The following C12orf56 variants were observed in gnomAD, a reference collection of about 807,000 sequenced individuals.
C12orf56 encodes the protein chromosome 12 open reading frame 56, also known as uncharacterized protein C12orf56.
C12orf56 carries 71 observed loss-of-function variants against 69.9 expected under a neutral mutation model. The observed-to-expected ratio is 1.02, with a 90% CI of 0.84 to 1.24. C12orf56 has a LOEUF of 1.24. Ranked by LOEUF, C12orf56 falls within the 50% of genes most tolerant of loss-of-function variation. The pLI, the probability that C12orf56 is intolerant of heterozygous loss-of-function variation, is 0.00. For missense variants in C12orf56, 732 were observed against 738.5 expected (o/e 0.99, Z 0.10); for synonymous variants, 276 against 274.1 (o/e 1.01, Z -0.07).
chr12:64,360,311 G>C (rs2039382720), intron 1 of C12orf56, among the ~76,000 whole-genome samples: 1 of 151,908 alleles, frequency 6.6e-6, no homozygotes, highest in African/African-American at 2.4e-5. Context: ...TGTAATCCCA[G>C]CTACTCGGGA....
intron 1 of C12orf56, among the ~76,000 whole-genome samples, chr12:64,382,870 C>A (rs370340559): frequency 4.9e-3 from 653 of 131,930 alleles, no homozygotes; most frequent in Admixed American, 6.4e-3. Flanking sequence ...GACTCCGTTT[C>A]AAAAAAAAAA....
At chr12:64,285,842 C>T (rs2038193230) in intron 7 of C12orf56, 112 bp downstream of exon 7, 2 of 481,844 alleles carry the variant, frequency 4.2e-6, no homozygotes, top group Non-Finnish European at 7.1e-6. Context: ...GGAAGAAAAA[C>T]TTGCAGTGCC....
At chr12:64,314,363 G>C (rs1483159247) in intron 4 of C12orf56, among the ~76,000 whole-genome samples, 1 of 152,026 alleles carries the variant, frequency 6.6e-6, no homozygotes, top group Non-Finnish European at 1.5e-5. Flanking sequence ...AAAGTGCTAG[G>C]ATTACAGGCA....
chr12:64,300,441 A>C (rs1487626282), intron 6 of C12orf56, among the ~76,000 whole-genome samples: 1 of 152,148 alleles, frequency 6.6e-6, no homozygotes, highest in Non-Finnish European at 1.5e-5. Context: ...TTAGGAATAC[A>C]CATCAACATC....
intron 3 of C12orf56, among the ~76,000 whole-genome samples, chr12:64,323,932 G>A (rs917184062): frequency 4.6e-5 from 7 of 152,218 alleles, no homozygotes; most frequent in Non-Finnish European, 1.0e-4. Context: ...ATGGGAGCAT[G>A]TGGATGCCTA....
At chr12:64,328,695 AAAAAAAAAAAAATATATAT>A (rs1204808891) in intron 3 of C12orf56, among the ~76,000 whole-genome samples, 3 of 18,130 alleles carry the variant, frequency 1.7e-4, no homozygotes, top group African/African-American at 5.2e-4. Context: ...AAAAAAAAAA[AAAAAAAAAAAAATATATAT>A]ATATATATAT....
Position 64,284,688 on chromosome 12 carries a change from C to A in C12orf56, c.1286G>T (p.Arg429Leu), listed in dbSNP as rs375758649. ...MFRETETESS[R>L]LNTLAAKKGA... ...CTTCTTAGCTGCCAATGTGTTCAGG[C>A]GTGATGACTCGGTTTCTGTTTCTCT... is the stretch of plus-strand genomic sequence containing the variant. Residue 429 changes from arginine to leucine, a missense_variant, in exon 8 of 13, where the codon CGC (arginine) becomes CTC (leucine). By Grantham distance (102) the Arg-to-Leu change is moderately radical (BLOSUM62 -2). Coordinates refer to ENST00000543942, the MANE Select transcript of C12orf56 (RefSeq NM_001170633.2). 3 of 1,612,178 alleles carry A rather than the reference C, an allele frequency of 1.9e-6. No homozygotes were observed. Among genetic ancestry groups the A allele is most frequent in the Non-Finnish European group, 1.7e-6 (2 of 1,179,286 alleles).
At chr12:64,384,276 C>A (rs2039759115) in intron 1 of C12orf56, among the ~76,000 whole-genome samples, 1 of 152,106 alleles carries the variant, frequency 6.6e-6, no homozygotes, top group Admixed American at 6.6e-5. Context: ...TTTACCTCCC[C>A]TTCCTCTTTC....
intron 1 of C12orf56, among the ~76,000 whole-genome samples, chr12:64,373,800 TTA>T (rs2039604906): frequency 1.3e-5 from 2 of 152,162 alleles, no homozygotes; most frequent in Non-Finnish European, 2.9e-5. Context: ...TAAAATTTAT[TTA>T]TATGTTTTTT....
intron 2 of C12orf56, among the ~76,000 whole-genome samples, chr12:64,339,716 C>T (rs1390856590): frequency 6.6e-6 from 1 of 152,062 alleles, no homozygotes; most frequent in African/African-American, 2.4e-5. Flanking sequence ...GTGTGCACCA[C>T]TACACCCAGC....
intron 1 of C12orf56, among the ~76,000 whole-genome samples, chr12:64,369,683 A>T (rs1423978225): frequency 6.6e-6 from 1 of 151,968 alleles, no homozygotes; most frequent in Non-Finnish European, 1.5e-5. Context: ...TTTATATACT[A>T]TTAAAATCAA....
chr12:64,346,034 C>G (rs2039136734), intron 2 of C12orf56, among the ~76,000 whole-genome samples: 4 of 152,092 alleles, frequency 2.6e-5, no homozygotes, highest in Admixed American at 2.0e-4. Context: ...GAACTCCATC[C>G]TTAATATTCA....
chr12:64,313,273 AAAAAGAAAGAAAG>A (rs1349808446), intron 4 of C12orf56, among the ~76,000 whole-genome samples: 17 of 136,840 alleles, frequency 1.2e-4, no homozygotes, highest in East Asian at 2.3e-4. Flanking sequence ...AAAAAAAAAA[AAAAAGAAAGAAAG>A]AAAGAAAGAA....
At chr12:64,283,908 A>AT (rs35345999) in intron 8 of C12orf56, among the ~76,000 whole-genome samples, 89,815 of 133,148 alleles carry the variant, frequency 0.67, 31,350 homozygotes, top group Non-Finnish European at 0.77. Flanking sequence ...TAGAGTATCT[A>AT]TTTTTTTTTT....
intron 6 of C12orf56, among the ~76,000 whole-genome samples, chr12:64,302,300 C>G (rs10878140): frequency 2.6e-5 from 4 of 151,890 alleles, no homozygotes; most frequent in African/African-American, 9.7e-5. Context: ...GGACATTTGG[C>G]ATATTATTCT....
At chr12:64,317,975 C>G (rs942431975) in intron 4 of C12orf56, among the ~76,000 whole-genome samples, 1 of 152,084 alleles carries the variant, frequency 6.6e-6, no homozygotes, top group Admixed American at 6.6e-5. Context: ...ACCACCTGCT[C>G]ACACATATTC....
intron 1 of C12orf56, among the ~76,000 whole-genome samples, chr12:64,354,647 T>A: frequency 6.6e-6 from 1 of 151,480 alleles, no homozygotes; most frequent in East Asian, 2.0e-4. Flanking sequence ...TTCGTAGAGA[T>A]GGGGTTTCAC....
At chr12:64,385,832 T>C (rs950964006) in intron 1 of C12orf56, among the ~76,000 whole-genome samples, 1 of 152,128 alleles carries the variant, frequency 6.6e-6, no homozygotes, top group Non-Finnish European at 1.5e-5. Flanking sequence ...TAAATTACTC[T>C]TTCTCTATTG....
At chr12:64,356,280 G>C (rs76741943) in intron 1 of C12orf56, among the ~76,000 whole-genome samples, 2,233 of 150,696 alleles carry the variant, frequency 0.015, 63 homozygotes, top group African/African-American at 0.053. Context: ...CATTTACAAA[G>C]TTTCCATGCT....
Sources: allele counts gnomAD v4.1 joint callset (sites outside exome capture counted in the v4.1 genomes callset), GRCh38; gene constraint gnomAD v4.1.1; transcripts MANE v1.5; gene names NCBI Gene and HGNC (gene_info 2026-07-23, HGNC 2026-07-21).